Variants in DNAJC5B observed in about 807,000 individuals in gnomAD.
The protein encoded by DNAJC5B is DnaJ heat shock protein family (Hsp40) member C5 beta.
DNAJC5B carries 23 observed loss-of-function variants against 24.7 expected under a neutral mutation model. That is an observed-to-expected ratio of 0.93 (90% CI 0.67 to 1.32). The LOEUF (loss-of-function observed/expected upper bound fraction) is 1.32. Ranked by LOEUF, DNAJC5B falls within the 40% of genes most tolerant of loss-of-function variation. The probability of loss-of-function intolerance (pLI) is 0.00; values close to 1 mark genes in which losing one functional copy is unlikely to be tolerated. For missense variants in DNAJC5B, 238 were observed against 240.8 expected (o/e 0.99, Z 0.08); for synonymous variants, 101 against 90.1 (o/e 1.12, Z -0.68).
intron 1 of DNAJC5B, 126 bp downstream of exon 1, chr8:66,021,831 G>A (rs941070548): frequency 4.6e-5 from 7 of 152,240 alleles, no homozygotes; most frequent in Non-Finnish European, 1.0e-4. Flanking sequence ...CCAACAGCCA[G>A]GCTGCTTGCC....
chr8:66,064,065 G>T (rs148183830), intron 3 of DNAJC5B, among the ~76,000 whole-genome samples: 415 of 152,240 alleles, frequency 2.7e-3, no homozygotes, highest in South Asian at 7.3e-3. Flanking sequence ...GAGTAAGATG[G>T]TTTGAGTAGC....
intron 1 of DNAJC5B, among the ~76,000 whole-genome samples, chr8:66,028,260 C>T (rs1015804260): frequency 2.0e-5 from 3 of 152,184 alleles, no homozygotes; most frequent in African/African-American, 4.8e-5. Context: ...TTCTCTTACT[C>T]ACCGGCGCTC....
At chr8:66,032,926 T>C (rs1806390483) in intron 1 of DNAJC5B, among the ~76,000 whole-genome samples, 1 of 152,238 alleles carries the variant, frequency 6.6e-6, no homozygotes, top group Non-Finnish European at 1.5e-5. Context: ...CTCTGTTTGC[T>C]CTACGGAGTC....
the DNAJC5B span, among the ~76,000 whole-genome samples, chr8:66,015,235 A>G: frequency 3.8e-5 from 2 of 52,454 alleles, no homozygotes; most frequent in Admixed American, 1.7e-4. Flanking sequence ...TCTGTCTTCT[A>G]GCTGTAGCTG....
At chr8:66,034,869 C>T (rs978426095) in intron 1 of DNAJC5B, among the ~76,000 whole-genome samples, 6 of 152,048 alleles carry the variant, frequency 3.9e-5, no homozygotes, top group African/African-American at 1.5e-4. Flanking sequence ...AACAGATCTG[C>T]CTGGACGCAT....
chr8:66,086,556 T>C (rs112386885), intron 5 of DNAJC5B, among the ~76,000 whole-genome samples: 80 of 152,256 alleles, frequency 5.3e-4, no homozygotes, highest in African/African-American at 1.8e-3. Context: ...TATAAAGATG[T>C]TTAAAAGAAC....
chr8:66,094,890 G>A (rs1807917694), intron 5 of DNAJC5B, among the ~76,000 whole-genome samples: 1 of 151,972 alleles, frequency 6.6e-6, no homozygotes, highest in African/African-American at 2.4e-5. Flanking sequence ...ATCTGTTAAT[G>A]TGATGAATTA....
chr8:66,099,833 T>A, intron 5 of DNAJC5B, 104 bp from the exon 6 acceptor site: 1 of 934,192 alleles, frequency 1.1e-6, no homozygotes, highest in South Asian at 1.6e-5. Context: ...ATGAATTGAG[T>A]TGATTTGCCA....
intron 3 of DNAJC5B, among the ~76,000 whole-genome samples, chr8:66,053,663 C>G (rs989726991): frequency 1.4e-5 from 2 of 144,598 alleles, no homozygotes; most frequent in African/African-American, 5.1e-5. Flanking sequence ...GAGTTTCACT[C>G]TTGTTGCCCA....
At chr8:66,083,993 G>T (rs1807662741) in intron 5 of DNAJC5B, among the ~76,000 whole-genome samples, 1 of 152,164 alleles carries the variant, frequency 6.6e-6, no homozygotes, top group Non-Finnish European at 1.5e-5. Context: ...CCCTTGGAAG[G>T]CACAGGTGAG....
At chr8:66,020,307 A>G (rs1355421879), upstream of DNAJC5B, among the ~76,000 whole-genome samples, 1 of 152,258 alleles carries the variant, frequency 6.6e-6, no homozygotes, top group Non-Finnish European at 1.5e-5. Flanking sequence ...ATATGTGTGA[A>G]AATAGCTTGT....
intron 3 of DNAJC5B, among the ~76,000 whole-genome samples, chr8:66,065,796 G>A (rs535203967): frequency 1.2e-4 from 19 of 152,274 alleles, no homozygotes; most frequent in African/African-American, 3.6e-4. Context: ...TTCAGTGAAG[G>A]GGCACCATCT....
intron 5 of DNAJC5B, among the ~76,000 whole-genome samples, chr8:66,091,039 C>A (rs1366491835): frequency 6.6e-6 from 1 of 152,138 alleles, no homozygotes; most frequent in Non-Finnish European, 1.5e-5. Context: ...CCCAAGATTT[C>A]TTTGATTTTT....
intron 3 of DNAJC5B, among the ~76,000 whole-genome samples, chr8:66,061,939 C>T (rs1027917458): frequency 1.3e-5 from 2 of 151,884 alleles, no homozygotes; most frequent in Non-Finnish European, 2.9e-5. Context: ...CAGGTGGCTT[C>T]GGGGAGTGGC....
intron 3 of DNAJC5B, among the ~76,000 whole-genome samples, chr8:66,053,090 C>A (rs1215989306): frequency 2.0e-5 from 3 of 152,044 alleles, no homozygotes; most frequent in African/African-American, 7.2e-5. Context: ...GACCACCATG[C>A]CTAACTAATT....
At chr8:66,055,220 T>A (rs1806937435) in intron 3 of DNAJC5B, among the ~76,000 whole-genome samples, 1 of 151,798 alleles carries the variant, frequency 6.6e-6, no homozygotes, top group Non-Finnish European at 1.5e-5. Context: ...GGTACTAGTA[T>A]GCTGCCAAAA....
rs756617108 is a variant in DNAJC5B at position 66,048,763 on chromosome 8, C to G, written c.-17-2768C>G. On this transcript the variant is annotated intron_variant, in intron 2 of 5. Transcript: ENST00000276570. ...AGGGCAATAATAGAAAAATATGAAC[C>G]AAGTTCTACTGCAGAAGCAAGTGGT... Among the ~76,000 whole-genome samples, 11 of 152,224 alleles carry G rather than the reference C, an allele frequency of 7.2e-5. 1 individual carries two copies. The Middle Eastern group carries it at 0.017, about 235-fold the overall frequency.
At chr8:66,047,856 T>C (rs890933419) in intron 2 of DNAJC5B, among the ~76,000 whole-genome samples, 16 of 152,222 alleles carry the variant, frequency 1.1e-4, no homozygotes, top group Non-Finnish European at 2.2e-4. Flanking sequence ...CCACTGGCTG[T>C]GGGAGTAAAT....
chr8:66,080,365 C>T lies in DNAJC5B; in HGVS notation c.334-12C>T, dbSNP rs779083037. 1.9e-5 allele frequency: 31 copies of T among 1,607,372 alleles called. No individual in the cohort carries two copies. The highest frequency in any genetic ancestry group is 2.5e-5 in the Non-Finnish European group (29 of 1,176,894). ...CCCTCATCCTCATTTTGCTTTACCT[C>T]TGTTTCCCTAGGCCCTGTTTGTCAT... On this transcript the variant is annotated splice_polypyrimidine_tract_variant and intron_variant, in intron 4 of 5. Coordinates refer to ENST00000276570, the MANE Select transcript of DNAJC5B (RefSeq NM_033105.6).
Sources: gnomAD v4.1 joint callset for allele counts (sites outside exome capture counted in the v4.1 genomes callset) on GRCh38, gnomAD v4.1.1 for gene constraint, MANE v1.5 for transcripts, NCBI Gene and HGNC (gene_info 2026-07-23, HGNC 2026-07-21) for gene names.